The following MAPKBP1 variants were observed in gnomAD, a reference collection of about 807,000 sequenced individuals.
MAPKBP1 encodes the protein mitogen-activated protein kinase binding protein 1, also known as mitogen-activated protein kinase-binding protein 1.
In MAPKBP1, 71 loss-of-function variants were observed where a neutral mutation model predicts 170.5. That is an observed-to-expected ratio of 0.42 (90% CI 0.34 to 0.51). The LOEUF (loss-of-function observed/expected upper bound fraction) is 0.51. Among genes scored for constraint, MAPKBP1 ranks in the 20% least tolerant of loss-of-function variants. The pLI, the probability that MAPKBP1 is intolerant of heterozygous loss-of-function variation, is 0.06. For missense variants in MAPKBP1, 1,598 were observed against 1,933.0 expected, an observed-to-expected ratio of 0.83 and a Z score of 3.25; for synonymous variants, 719 against 757.9, an observed-to-expected ratio of 0.95 and a Z score of 0.84.
chr15:41,813,389 C>T (rs369292595), intron 8 of MAPKBP1: 8 of 1,520,544 alleles, frequency 5.3e-6, no homozygotes, highest in Non-Finnish European at 7.3e-6. Context: ...CATGCTATTT[C>T]TTTCTCTTCA....
chr15:41,791,561 C>G (rs2064396456), intron 2 of MAPKBP1, among the ~76,000 whole-genome samples: 1 of 152,224 alleles, frequency 6.6e-6, no homozygotes, highest in Non-Finnish European at 1.5e-5. Flanking sequence ...GATCCAGGGA[C>G]TTGAGAGAGC....
At position 41,813,018 on chromosome 15, in the gene MAPKBP1, G is replaced by T. The variant is rs1444419472; in HGVS notation, c.736G>T (p.Asp246Tyr). Residue 246 changes from aspartate to tyrosine, a missense_variant, in exon 8 of 31, where the codon GAC becomes TAC. This residue lies in a region of MAPKBP1 where 430 missense variants were observed against 617.2 expected (regional missense o/e 0.70). Coordinates refer to ENST00000457542, the MANE Select transcript of MAPKBP1 (RefSeq NM_014994.3). Reference protein sequence around the residue: ...DVACGRGKKADSTFCITSSGL... With the variant: ...DVACGRGKKAYSTFCITSSGL... ...GGCCTGTGGCAGAGGAAAAAAGGCG[G>T]ACAGTACCTTCTGCATCACGTCCTC... 1.9e-6 allele frequency: 3 copies of T among 1,613,980 alleles called. No homozygotes were observed. In the East Asian group the frequency reaches 6.7e-5, roughly 36 times the overall value.
intron 2 of MAPKBP1, among the ~76,000 whole-genome samples, chr15:41,797,235 G>A (rs1265963454): frequency 2.6e-5 from 4 of 152,076 alleles, no homozygotes; most frequent in African/African-American, 9.7e-5. Context: ...GTAATTCTTC[G>A]GCACCAACAC....
intron 30 of MAPKBP1, 74 bp from the exon 31 acceptor site, chr15:41,825,135 C>T: frequency 7.8e-7 from 1 of 1,277,348 alleles, no homozygotes; most frequent in Non-Finnish European, 1.1e-6. Context: ...GCAGGCTGGA[C>T]CCAGGTGGGG....
At chr15:41,785,238 T>G (rs2064263675) in intron 2 of MAPKBP1, among the ~76,000 whole-genome samples, 1 of 152,204 alleles carries the variant, frequency 6.6e-6, no homozygotes, top group African/African-American at 2.4e-5. Flanking sequence ...TGTTCCAACA[T>G]TTTTAATCAG....
At position 41,825,728 on chromosome 15, in the gene MAPKBP1, C is replaced by G; in HGVS notation, c.*292C>G. On this transcript the variant is annotated 3_prime_UTR_variant, in exon 31 of 31. Transcript: ENST00000457542. Reference sequence around the variant, plus strand: ...GTGAGAGGTAGGAGGGCAGCCTGCCCCATCTAGGAATCTGGGAAGGGCTGG... The same window carrying G: ...GTGAGAGGTAGGAGGGCAGCCTGCCGCATCTAGGAATCTGGGAAGGGCTGG... The G allele has an allele frequency of 2.9e-6, 1 of 345,224 alleles. No individual in the cohort carries two copies. The highest frequency in any genetic ancestry group is 5.3e-6 in the Non-Finnish European group (1 of 188,192). 21.4% of individuals were successfully genotyped at this position (345,224 alleles called of 1,614,324 possible).
chr15:41,805,705 TCTC>T lies in MAPKBP1; in HGVS notation c.207-5172_207-5170del, dbSNP rs540134743. On this transcript the variant is annotated intron_variant, in intron 3 of 30. Coordinates refer to ENST00000457542, the MANE Select transcript of MAPKBP1 (RefSeq NM_014994.3). The stretch of plus-strand genomic sequence containing the variant: ...AGCATTGCACTGGGTGTGACAGAAT[TCTC>T]CTCCTGAACTGTGTTCTCGTGACAC... 2.0e-3 allele frequency among the ~76,000 whole-genome samples: 311 copies of T among 152,252 alleles called. 1 individual carries two copies. The highest frequency in any genetic ancestry group is 7.0e-3 in the African/African-American group (291 of 41,528).
intron 30 of MAPKBP1, 28 bp downstream of exon 30, chr15:41,824,597 A>C (rs1321564984): frequency 6.4e-7 from 1 of 1,563,012 alleles, no homozygotes; most frequent in East Asian, 2.3e-5. Flanking sequence ...CCCGGCAGGA[A>C]GGCGGGCACG....
chr15:41,820,997 T>G lies in MAPKBP1; in HGVS notation c.2647T>G (p.Ser883Ala). Residue 883 changes from serine (S) to alanine (A), a missense_variant, in exon 23 of 31, where the codon TCG becomes GCG. By Grantham distance (99) the Ser-to-Ala change is moderately conservative. Around this residue, in one of 6 missense-constraint regions of MAPKBP1, gnomAD observed 942 missense variants for 953.2 expected, o/e 0.99. Coordinates refer to ENST00000457542, the MANE Select transcript of MAPKBP1 (RefSeq NM_014994.3). The part of the protein sequence containing the change: ...APSLQDPSQD[S>A]LAIIPSGPRK... ...AAGCCTGCAGGACCCTAGCCAGGAC[T>G]CGCTGGCCATCATCCCATCTGGTCC... 6.2e-7 allele frequency: 1 copy of G among 1,614,182 alleles called. No homozygotes were observed. The highest frequency in any genetic ancestry group is 8.5e-7 in the Non-Finnish European group (1 of 1,180,020).
intron 6 of MAPKBP1, 137 bp from the exon 7 acceptor site, chr15:41,812,379 C>A: frequency 7.8e-7 from 1 of 1,289,738 alleles, no homozygotes; most frequent in Non-Finnish European, 1.1e-6. Context: ...TTTCCCTACC[C>A]CTCTTTTTCT....
Position 41,817,184 on chromosome 15 carries a change from G to T in MAPKBP1, c.1711+149G>T. 7.4e-7 allele frequency: 1 copy of T among 1,354,710 alleles called. No individual in the cohort carries two copies. 83.9% of individuals were successfully genotyped at this position (1,354,710 alleles called of 1,614,324 possible). On this transcript the variant is annotated intron_variant, in intron 14 of 30. Transcript: ENST00000457542. This position sits in a 1 kb window ranked among gnomAD's most constrained non-coding sequence, Gnocchi z 4.2. ...GCTGGTTGGGAAGATAGGTGGAACAGAGACTCTCAGTGCTGGGACTTGAGC... is the reference window on the plus strand; with the variant it reads ...GCTGGTTGGGAAGATAGGTGGAACATAGACTCTCAGTGCTGGGACTTGAGC...
At chr15:41,813,473 A>AG (rs2064838822) in intron 8 of MAPKBP1, 148 bp from the exon 9 acceptor site, 1 of 1,413,580 alleles carries the variant, frequency 7.1e-7, no homozygotes, top group Non-Finnish European at 9.9e-7. Context: ...GACAGGGCTG[A>AG]GGGGCTCAGA....
intron 2 of MAPKBP1, among the ~76,000 whole-genome samples, chr15:41,791,427 C>G (rs923751006): frequency 1.3e-5 from 2 of 152,130 alleles, no homozygotes; most frequent in African/African-American, 4.8e-5. Flanking sequence ...AAAGGGAAAG[C>G]ATTTCCTGCC....
chr15:41,814,507 A>G (rs778388339), intron 9 of MAPKBP1, 43 bp from the exon 10 acceptor site: 10 of 1,579,278 alleles, frequency 6.3e-6, no homozygotes, highest in Non-Finnish European at 7.8e-6. Context: ...TTCTCTTTTC[A>G]TTCCCTTCAG....
At chr15:41,789,782 A>C (rs144241824) in intron 2 of MAPKBP1, among the ~76,000 whole-genome samples, 1 of 152,136 alleles carries the variant, frequency 6.6e-6, no homozygotes, top group African/African-American at 2.4e-5. Context: ...TTTTTTGTTA[A>C]TGTTAAATAT....
chr15:41,789,098 C>T (rs1721833147), intron 2 of MAPKBP1, among the ~76,000 whole-genome samples: 1 of 152,190 alleles, frequency 6.6e-6, no homozygotes, highest in South Asian at 2.1e-4. Flanking sequence ...CCAGGAGACA[C>T]ATTCACTTTG....
rs749580087 is a variant in MAPKBP1 at position 41,824,435 on chromosome 15, T to C, written c.4214-49T>C. On this transcript the variant is annotated intron_variant, in intron 29 of 30. Coordinates refer to ENST00000457542, the MANE Select transcript of MAPKBP1 (RefSeq NM_014994.3). ...TCTGAGTGTCTTGGGTGCGGAGGCC[T>C]GAAAGGGCTACATGCTGGGCCTCAC... is the stretch of plus-strand genomic sequence containing the variant. The C allele has an allele frequency of 3.4e-5, 52 of 1,520,744 alleles. No individual in the cohort carries two copies. In the Middle Eastern group the frequency reaches 7.5e-4, roughly 22 times the overall value. 94.2% of individuals were successfully genotyped at this position (1,520,744 alleles called of 1,614,324 possible).
intron 2 of MAPKBP1, among the ~76,000 whole-genome samples, chr15:41,780,286 T>A (rs1272620323): frequency 6.6e-6 from 1 of 152,242 alleles, no homozygotes; most frequent in Non-Finnish European, 1.5e-5. Flanking sequence ...ATTTCTTGAC[T>A]GATGAAAAAA....
At chr15:41,784,759 C>T (rs1189308958) in intron 2 of MAPKBP1, among the ~76,000 whole-genome samples, 4 of 113,958 alleles carry the variant, frequency 3.5e-5, no homozygotes, top group Non-Finnish European at 6.5e-5. Flanking sequence ...TCCAGCCTGG[C>T]AATAGAGCGA....
Sources: gnomAD v4.1 joint callset for allele counts (sites outside exome capture counted in the v4.1 genomes callset) on GRCh38, gnomAD v4.1.1 for gene constraint, gnomAD v4.1.1 regional missense constraint, Gnocchi (gnomAD v3.1) non-coding constraint, MANE v1.5 for transcripts, NCBI Gene and HGNC (gene_info 2026-07-23, HGNC 2026-07-21) for gene names.